The following TMPRSS15 variants were observed in gnomAD, a reference collection of about 807,000 sequenced individuals.
TMPRSS15 encodes transmembrane serine protease 15, also known as enteropeptidase.
In TMPRSS15, 128 loss-of-function variants were observed where a neutral mutation model predicts 125.3. The observed-to-expected ratio is 1.02, with a 90% CI of 0.89 to 1.18. TMPRSS15 has a LOEUF of 1.18. Among genes scored for constraint, TMPRSS15 ranks in the 50% most tolerant of loss-of-function variants. TMPRSS15 has a pLI of 0.00. For synonymous variants in TMPRSS15, 446 were observed against 423.2 expected, an observed-to-expected ratio of 1.05 and a Z score of -0.66; for missense variants, 1,283 against 1,212.7, an observed-to-expected ratio of 1.06 and a Z score of -0.86.
intron 15 of TMPRSS15, among the ~76,000 whole-genome samples, chr21:18,327,023 A>G (rs2146962362): frequency 6.6e-6 from 1 of 152,356 alleles, no homozygotes; most frequent in South Asian, 2.1e-4. Flanking sequence ...GATTGGGAAT[A>G]TTAACTACAT....
intron 5 of TMPRSS15, among the ~76,000 whole-genome samples, chr21:18,376,493 C>T (rs569766050): frequency 8.5e-5 from 13 of 152,244 alleles, no homozygotes; most frequent in African/African-American, 3.1e-4. Context: ...TCATGTTTTT[C>T]ACTAAATCAA....
intron 18 of TMPRSS15, 25 bp from the exon 19 acceptor site, chr21:18,297,854 C>A: frequency 6.6e-7 from 1 of 1,526,446 alleles, no homozygotes; most frequent in Non-Finnish European, 9.1e-7. Context: ...AAAAAGCATA[C>A]AGACAAAACA....
chr21:18,398,571 T>G (rs2076064049), intron 1 of TMPRSS15, among the ~76,000 whole-genome samples: 2 of 152,120 alleles, frequency 1.3e-5, no homozygotes, highest in South Asian at 4.1e-4. Context: ...TTTCTTTTCT[T>G]TGAAGTCTAA....
Position 18,365,211 on chromosome 21 carries a change from T to TGATCCA in TMPRSS15, c.696_701dup (p.Gly233_Ser234dup), listed in dbSNP as rs765953444. On this transcript the variant is annotated inframe_insertion, in exon 7 of 25. Coordinates refer to ENST00000284885, the MANE Select transcript of TMPRSS15 (RefSeq NM_002772.3). Reference sequence around the variant, plus strand: ...AATGAGTAGCCTGGAAAGACCCAGATGATCCAGTTAACAAAAATCTTCCAT... The same window carrying TGATCCA: ...AATGAGTAGCCTGGAAAGACCCAGATGATCCAGATCCAGTTAACAAAAATCTTCCAT... 1 of 1,614,152 alleles carries TGATCCA rather than the reference T, an allele frequency of 6.2e-7. No homozygotes were observed. The highest frequency in any genetic ancestry group is 1.1e-5 in the South Asian group (1 of 91,086).
chr21:18,319,568 G>A (rs945399707), intron 16 of TMPRSS15, among the ~76,000 whole-genome samples: 4 of 151,652 alleles, frequency 2.6e-5, no homozygotes, highest in African/African-American at 7.3e-5. Context: ...AGCTGGGATT[G>A]CAGGCATGTG....
chr21:18,380,659 A>C, intron 4 of TMPRSS15: 1 of 450,566 alleles, frequency 2.2e-6, no homozygotes, highest in Non-Finnish European at 4.7e-6. Flanking sequence ...GTACACCTTG[A>C]ATATTCATTC....
chr21:18,347,649 T>C (rs1384125382), intron 10 of TMPRSS15, among the ~76,000 whole-genome samples: 1 of 152,236 alleles, frequency 6.6e-6, no homozygotes, highest in Admixed American at 6.5e-5. Context: ...GTCTGTTGTT[T>C]AACATATTTT....
rs74732316 is a variant in TMPRSS15 at position 18,328,814 on chromosome 21, G to A, written c.1780+355C>T. 1.6e-4 allele frequency among the ~76,000 whole-genome samples: 25 copies of A among 152,224 alleles called. No homozygotes were observed. The South Asian group carries it at 5.2e-3, about 32-fold the overall frequency. On this transcript the variant is annotated intron_variant, in intron 15 of 24. Coordinates refer to ENST00000284885, the MANE Select transcript of TMPRSS15 (RefSeq NM_002772.3). ...CAAAGACAGGAAAAATGCTTGAGGT[G>A]ATGGATACAGTATTCACACTGATGT...
At chr21:18,482,284 TC>T (rs1330690617) in intron 1 of TMPRSS15, among the ~76,000 whole-genome samples, 1 of 151,562 alleles carries the variant, frequency 6.6e-6, no homozygotes, top group Non-Finnish European at 1.5e-5. Context: ...TACATTTAAA[TC>T]AGAATTTTTA....
chr21:18,343,657 C>A lies in TMPRSS15; in HGVS notation c.1278-1G>T. The A allele has an allele frequency of 6.2e-7, 1 of 1,613,158 alleles. No homozygotes were observed. The highest frequency in any genetic ancestry group is 8.5e-7 in the Non-Finnish European group (1 of 1,179,600). ...GACATTTTCACCATACATATGATAC[C>A]TAGTTTGGAAAGAAGCAAAAATGTT... On this transcript the variant is annotated splice_acceptor_variant, in intron 11 of 24. Transcript: ENST00000284885. LOFTEE classifies it high-confidence loss of function.
chr21:18,366,211 A>G (rs1374118075), intron 6 of TMPRSS15, among the ~76,000 whole-genome samples: 1 of 152,206 alleles, frequency 6.6e-6, no homozygotes, highest in Non-Finnish European at 1.5e-5. Flanking sequence ...AAATATATGT[A>G]CAAAGTGCTA....
At chr21:18,330,003 A>G (rs755900461) in intron 14 of TMPRSS15, among the ~76,000 whole-genome samples, 1 of 152,122 alleles carries the variant, frequency 6.6e-6, no homozygotes, top group Non-Finnish European at 1.5e-5. Flanking sequence ...ATGGCTGTAC[A>G]TATTTCAAAT....
At chr21:18,330,064 A>G (rs1394743065) in intron 14 of TMPRSS15, among the ~76,000 whole-genome samples, 2 of 152,138 alleles carry the variant, frequency 1.3e-5, no homozygotes, top group African/African-American at 2.4e-5. Context: ...AAACTCATTT[A>G]TCTTATTCTT....
chr21:18,480,381 C>T (rs1000166443), intron 1 of TMPRSS15, among the ~76,000 whole-genome samples: 2 of 151,908 alleles, frequency 1.3e-5, no homozygotes, highest in Admixed American at 6.6e-5. Context: ...ACAATATAGT[C>T]TCCAGGAGAT....
chr21:18,473,823 A>G (rs535813904), intron 1 of TMPRSS15, among the ~76,000 whole-genome samples: 1 of 152,134 alleles, frequency 6.6e-6, no homozygotes, highest in Non-Finnish European at 1.5e-5. Flanking sequence ...TTAAAAATAC[A>G]TTCTTATAAT....
At chr21:18,298,183 C>G (rs955614549) in intron 18 of TMPRSS15, among the ~76,000 whole-genome samples, 1 of 152,104 alleles carries the variant, frequency 6.6e-6, no homozygotes, top group Non-Finnish European at 1.5e-5. Flanking sequence ...CCATAAAAAC[C>G]GCTTTGAATG....
intron 13 of TMPRSS15, among the ~76,000 whole-genome samples, chr21:18,338,667 A>G (rs2075417299): frequency 6.6e-6 from 1 of 152,078 alleles, no homozygotes; most frequent in African/African-American, 2.4e-5. Context: ...CAAAAGTTTC[A>G]TGTCACCAAA....
At chr21:18,402,544 A>AAG (rs1555910412) in intron 1 of TMPRSS15, among the ~76,000 whole-genome samples, 6 of 151,492 alleles carry the variant, frequency 4.0e-5, no homozygotes, top group South Asian at 2.1e-4. Context: ...AAAAAAAAAA[A>AAG]AGAGAGAATT....
At chr21:18,322,032 T>A (rs954207867) in intron 16 of TMPRSS15, among the ~76,000 whole-genome samples, 5 of 152,206 alleles carry the variant, frequency 3.3e-5, no homozygotes, top group Non-Finnish European at 5.9e-5. Context: ...ATAAATGAAA[T>A]CTAGCTATAG....
Sources: allele counts gnomAD v4.1 joint callset (sites outside exome capture counted in the v4.1 genomes callset), GRCh38; gene constraint gnomAD v4.1.1; transcripts MANE v1.5; gene names NCBI Gene and HGNC (gene_info 2026-07-23, HGNC 2026-07-21).